VAT1L: variants seen among roughly 807,000 people sequenced by gnomAD.
VAT1L encodes the protein putative NADPH-dependent quinone oxidoreductase VAT1L.
VAT1L carries 34 observed loss-of-function variants against 44.1 expected under a neutral mutation model. The ratio of observed to expected loss-of-function variants is 0.77; its 90% CI spans 0.59 to 1.03. The LOEUF (loss-of-function observed/expected upper bound fraction) is 1.03, where lower values mean the gene tolerates loss of function less well. Ranked by LOEUF, VAT1L falls within the 50% of genes least tolerant of loss-of-function variation. The pLI is 0.00. For synonymous variants in VAT1L, 253 were observed against 202.2 expected (o/e 1.25, Z -2.13); for missense variants, 615 against 538.8 (o/e 1.14, Z -1.40).
At chr16:77,850,898 C>T (rs1234203322) in intron 3 of VAT1L, among the ~76,000 whole-genome samples, 1 of 152,150 alleles carries the variant, frequency 6.6e-6, no homozygotes, top group East Asian at 1.9e-4. Flanking sequence ...TGGACGGCTC[C>T]ACGGTTGCTG....
At chr16:77,860,889 T>C (rs2016908357) in intron 3 of VAT1L, among the ~76,000 whole-genome samples, 1 of 152,198 alleles carries the variant, frequency 6.6e-6, no homozygotes, top group African/African-American at 2.4e-5. Context: ...GTTTAAAGCC[T>C]GCTTTGCTTA....
chr16:77,875,427 A>C (rs2017077508), intron 4 of VAT1L, among the ~76,000 whole-genome samples: 1 of 152,206 alleles, frequency 6.6e-6, no homozygotes, highest in Non-Finnish European at 1.5e-5. Flanking sequence ...GCAAACTTGC[A>C]AACACAAGGA....
At chr16:77,810,387 C>T (rs2016243766) in intron 1 of VAT1L, among the ~76,000 whole-genome samples, 1 of 152,140 alleles carries the variant, frequency 6.6e-6, no homozygotes, top group Admixed American at 6.5e-5. Context: ...CCTGGAAGTT[C>T]TGATGAATAA....
At chr16:77,946,279 C>CTTTTTTTTTTTTTTTTTTGTTTTTTTTTT (rs2017964382) in intron 7 of VAT1L, among the ~76,000 whole-genome samples, 1 of 70,428 alleles carries the variant, frequency 1.4e-5, no homozygotes, top group Non-Finnish European at 2.5e-5. Context: ...GTTACTTGTT[C>CTTTTTTTTTTTTTTTTTTGTTTTTTTTTT]TTTTTTTTTT....
chr16:77,802,768 T>G (rs1208268331), intron 1 of VAT1L, among the ~76,000 whole-genome samples: 5 of 152,140 alleles, frequency 3.3e-5, no homozygotes, highest in Non-Finnish European at 7.4e-5. Flanking sequence ...AACTCTCCCC[T>G]ACTCTGTTCA....
At chr16:77,966,338 C>T (rs1820120453) in intron 7 of VAT1L, among the ~76,000 whole-genome samples, 1 of 152,050 alleles carries the variant, frequency 6.6e-6, no homozygotes, top group Non-Finnish European at 1.5e-5. Flanking sequence ...TTGGGCGAGA[C>T]TGTGAGGTTG....
At chr16:77,815,316 C>T (rs1226528184) in intron 1 of VAT1L, among the ~76,000 whole-genome samples, 1 of 152,128 alleles carries the variant, frequency 6.6e-6, no homozygotes, top group African/African-American at 2.4e-5. Flanking sequence ...TTTGAATATC[C>T]ATGACTATTC....
At chr16:77,906,956 T>C (rs536191648) in intron 7 of VAT1L, among the ~76,000 whole-genome samples, 95 of 152,250 alleles carry the variant, frequency 6.2e-4, no homozygotes, top group Non-Finnish European at 1.1e-3. Flanking sequence ...GTGGATTCAA[T>C]TTCTTTCATG....
chr16:77,887,931 G>A (rs1318410822), intron 7 of VAT1L, among the ~76,000 whole-genome samples: 2 of 152,252 alleles, frequency 1.3e-5, no homozygotes, highest in South Asian at 4.1e-4. Flanking sequence ...TGCACTGTGT[G>A]ACTCCTGCCC....
intron 7 of VAT1L, among the ~76,000 whole-genome samples, chr16:77,908,489 A>AAAAAACAAAC (rs1242520275): frequency 6.7e-6 from 1 of 149,450 alleles, no homozygotes; most frequent in African/African-American, 2.5e-5. Flanking sequence ...AAAAAAAAAA[A>AAAAAACAAAC]GCCATCACAA....
chr16:77,974,154 A>G (rs912033435), intron 8 of VAT1L, among the ~76,000 whole-genome samples: 1 of 152,224 alleles, frequency 6.6e-6, no homozygotes, highest in African/African-American at 2.4e-5. Flanking sequence ...CAACATGGAT[A>G]TAACTTATTA....
chr16:77,952,055 T>C (rs1419045273), intron 7 of VAT1L, among the ~76,000 whole-genome samples: 2 of 152,164 alleles, frequency 1.3e-5, no homozygotes, highest in East Asian at 1.9e-4. Flanking sequence ...TTGGTGCTTA[T>C]GGAAGTTAGG....
chr16:77,909,457 T>G (rs549393485), intron 7 of VAT1L, among the ~76,000 whole-genome samples: 4 of 151,846 alleles, frequency 2.6e-5, no homozygotes, highest in African/African-American at 9.7e-5. Flanking sequence ...GCCAACATGG[T>G]GAAACCCTGT....
chr16:77,821,202 G>C (rs1209954013), intron 2 of VAT1L, among the ~76,000 whole-genome samples: 1 of 152,146 alleles, frequency 6.6e-6, no homozygotes, highest in African/African-American at 2.4e-5. Context: ...CATTTAGAGA[G>C]GGAGCTAGTC....
chr16:77,910,378 G>A (rs898861160), intron 7 of VAT1L, among the ~76,000 whole-genome samples: 1 of 152,112 alleles, frequency 6.6e-6, no homozygotes, highest in Non-Finnish European at 1.5e-5. Flanking sequence ...CACTTCCTAA[G>A]AATACACTAG....
At chr16:77,915,928 A>T (rs966005213) in intron 7 of VAT1L, among the ~76,000 whole-genome samples, 1 of 152,154 alleles carries the variant, frequency 6.6e-6, no homozygotes, top group Non-Finnish European at 1.5e-5. Flanking sequence ...TGGGTAAATG[A>T]AGGCTAATCC....
intron 7 of VAT1L, among the ~76,000 whole-genome samples, chr16:77,910,118 G>T (rs2017482814): frequency 6.6e-6 from 1 of 152,194 alleles, no homozygotes; most frequent in Non-Finnish European, 1.5e-5. Context: ...ATTCTCATAA[G>T]GGAAAAAGGC....
intron 3 of VAT1L, among the ~76,000 whole-genome samples, chr16:77,848,701 T>C (rs957655507): frequency 1.3e-5 from 2 of 152,190 alleles, no homozygotes; most frequent in African/African-American, 2.4e-5. Flanking sequence ...CTTCCGCAGA[T>C]GGTCTGCCTC....
At chr16:77,811,235 G>C (rs2016259170) in intron 1 of VAT1L, among the ~76,000 whole-genome samples, 1 of 152,182 alleles carries the variant, frequency 6.6e-6, no homozygotes, top group Admixed American at 6.5e-5. Flanking sequence ...TTCACCAGGA[G>C]AGTAGAAGAC....
Sources: allele counts gnomAD v4.1 joint callset (sites outside exome capture counted in the v4.1 genomes callset), GRCh38; gene constraint gnomAD v4.1.1; transcripts MANE v1.5; gene names NCBI Gene and HGNC (gene_info 2026-07-23, HGNC 2026-07-21).